Variants in TMTC2 observed in about 807,000 individuals in gnomAD.
TMTC2 encodes transmembrane O-mannosyltransferase targeting cadherins 2, also known as protein O-mannosyl-transferase TMTC2.
TMTC2 carries 43 observed loss-of-function variants against 82.4 expected under a neutral mutation model. The observed-to-expected ratio is 0.52, with a 90% CI of 0.41 to 0.67. TMTC2 has a LOEUF of 0.67. TMTC2 is among the 30% of genes least tolerant of loss of function. The pLI is 0.00. For missense variants in TMTC2, 919 were observed against 1,012.4 expected (o/e 0.91, Z 1.25); for synonymous variants, 408 against 381.9 (o/e 1.07, Z -0.80).
intron 1 of TMTC2, among the ~76,000 whole-genome samples, chr12:82,748,417 G>C (rs768479123): frequency 6.6e-6 from 1 of 152,148 alleles, no homozygotes; most frequent in African/African-American, 2.4e-5. Context: ...GCTTTGGAGG[G>C]AATTGAATCC....
chr12:82,847,371 GGTAAATGCA>G (rs1277831180), intron 1 of TMTC2, among the ~76,000 whole-genome samples: 1 of 151,998 alleles, frequency 6.6e-6, no homozygotes, highest in Non-Finnish European at 1.5e-5. Flanking sequence ...TTTCCAAAAC[GGTAAATGCA>G]GTTTATCAGT....
chr12:83,009,186 C>T (rs1333993688), intron 8 of TMTC2, among the ~76,000 whole-genome samples: 1 of 152,120 alleles, frequency 6.6e-6, no homozygotes, highest in Non-Finnish European at 1.5e-5. Flanking sequence ...GGAGAATAGG[C>T]CTCTGTTATT....
At chr12:82,792,942 A>G (rs1878537674) in intron 1 of TMTC2, among the ~76,000 whole-genome samples, 1 of 152,122 alleles carries the variant, frequency 6.6e-6, no homozygotes, top group Admixed American at 6.5e-5. Context: ...TCAGACCACA[A>G]AATGTGATTA....
intron 11 of TMTC2, among the ~76,000 whole-genome samples, chr12:83,117,833 G>C (rs557980754): frequency 4.6e-5 from 7 of 152,012 alleles, no homozygotes; most frequent in Non-Finnish European, 8.8e-5. Flanking sequence ...ATTTCTTTCA[G>C]CAGTGTTTGT....
At chr12:82,856,035 T>C (rs1401623426) in intron 1 of TMTC2, among the ~76,000 whole-genome samples, 3 of 152,212 alleles carry the variant, frequency 2.0e-5, no homozygotes, top group Non-Finnish European at 4.4e-5. Context: ...CAGTTATTAA[T>C]TAATCTTTCT....
chr12:82,850,447 G>T (rs1351135482), intron 1 of TMTC2, among the ~76,000 whole-genome samples: 3 of 151,968 alleles, frequency 2.0e-5, no homozygotes, highest in African/African-American at 7.3e-5. Context: ...GCTAGAGTGG[G>T]TGGAGTCATA....
intron 1 of TMTC2, among the ~76,000 whole-genome samples, chr12:82,790,990 T>G (rs925110572): frequency 6.6e-6 from 1 of 152,100 alleles, no homozygotes; most frequent in African/African-American, 2.4e-5. Context: ...TTGAGTGAGC[T>G]CATCCATATG....
chr12:82,737,357 G>A lies in TMTC2; in HGVS notation c.83+49688G>A, dbSNP rs896972327. Among the ~76,000 whole-genome samples the A allele has an allele frequency of 2.0e-5, 3 of 152,070 alleles. No individual in the cohort carries two copies. In the East Asian group the frequency reaches 5.8e-4, roughly 29 times the overall value. On this transcript the variant is annotated intron_variant, in intron 1 of 11. Coordinates refer to ENST00000321196, the MANE Select transcript of TMTC2 (RefSeq NM_152588.3). The stretch of plus-strand genomic sequence containing the variant: ...ATATCAGGTCTAAAGTGACACCACT[G>A]TGAGAGTAATGGTAATAAAAATTGT...
chr12:82,740,664 C>T (rs1251848666), intron 1 of TMTC2, among the ~76,000 whole-genome samples: 1 of 152,156 alleles, frequency 6.6e-6, no homozygotes, highest in African/African-American at 2.4e-5. Flanking sequence ...CTCTGGCTAA[C>T]AGTTTCCCCT....
At chr12:82,992,725 TC>T (rs1164618567) in intron 8 of TMTC2, among the ~76,000 whole-genome samples, 1 of 152,182 alleles carries the variant, frequency 6.6e-6, no homozygotes, top group Middle Eastern at 3.2e-3. Context: ...GCATTTGTTT[TC>T]TAGTATCAGT....
At chr12:83,036,646 C>T (rs1881675422) in intron 9 of TMTC2, among the ~76,000 whole-genome samples, 4 of 152,234 alleles carry the variant, frequency 2.6e-5, no homozygotes, top group African/African-American at 9.6e-5. Flanking sequence ...GCTCTTTCAA[C>T]TTTTAAATCC....
At chr12:82,975,013 G>A (rs536153418) in intron 7 of TMTC2, among the ~76,000 whole-genome samples, 283 of 152,202 alleles carry the variant, frequency 1.9e-3, no homozygotes, top group African/African-American at 2.4e-3. Flanking sequence ...GATTCACTTA[G>A]GGAAGAGTAT....
At chr12:82,961,115 A>C (rs36007065) in intron 4 of TMTC2, among the ~76,000 whole-genome samples, 13,240 of 151,458 alleles carry the variant, frequency 0.087, 692 homozygotes, top group Non-Finnish European at 0.12. Flanking sequence ...CCTACCTCTT[A>C]AGATTATTGT....
intron 7 of TMTC2, among the ~76,000 whole-genome samples, chr12:82,974,688 A>T (rs1878593320): frequency 2.6e-5 from 4 of 152,226 alleles, no homozygotes; most frequent in Admixed American, 2.6e-4. Flanking sequence ...TACCTGACAG[A>T]GGAGGCTTTG....
intron 9 of TMTC2, among the ~76,000 whole-genome samples, chr12:83,044,129 G>A (rs970781805): frequency 2.0e-5 from 3 of 152,146 alleles, no homozygotes; most frequent in Non-Finnish European, 4.4e-5. Context: ...TGCAAGATAT[G>A]GAAATATGAA....
intron 9 of TMTC2, among the ~76,000 whole-genome samples, chr12:83,046,434 T>C (rs1366653506): frequency 6.6e-6 from 1 of 152,196 alleles, no homozygotes; most frequent in Non-Finnish European, 1.5e-5. Flanking sequence ...CCTTGCTCTC[T>C]ATTTTAGTTC....
intron 1 of TMTC2, among the ~76,000 whole-genome samples, chr12:82,833,575 A>T (rs1374710075): frequency 6.6e-6 from 1 of 152,234 alleles, no homozygotes; most frequent in Non-Finnish European, 1.5e-5. Context: ...CAAAATGTGT[A>T]GTATATTGCC....
At chr12:83,101,674 A>G (rs1884221041) in intron 11 of TMTC2, among the ~76,000 whole-genome samples, 1 of 152,236 alleles carries the variant, frequency 6.6e-6, no homozygotes. Flanking sequence ...GGGACCGAGC[A>G]GTACTGCTTA....
intron 1 of TMTC2, among the ~76,000 whole-genome samples, chr12:82,698,827 G>A (rs1455224675): frequency 6.6e-6 from 1 of 152,086 alleles, no homozygotes; most frequent in Non-Finnish European, 1.5e-5. Context: ...CTCGTCAATT[G>A]ATCTGATTAA....
Sources: gnomAD v4.1 joint callset for allele counts (sites outside exome capture counted in the v4.1 genomes callset) on GRCh38, gnomAD v4.1.1 for gene constraint, MANE v1.5 for transcripts, NCBI Gene and HGNC (gene_info 2026-07-23, HGNC 2026-07-21) for gene names.